The following RAI14 variants were observed in gnomAD, a reference collection of about 807,000 sequenced individuals.
RAI14 encodes retinoic acid induced 14.
Under a neutral mutation model 115.4 loss-of-function variants are expected in RAI14, and 45 were observed. The ratio of observed to expected loss-of-function variants is 0.39; its 90% CI spans 0.31 to 0.50. The LOEUF is 0.50. Ranked by LOEUF, RAI14 falls within the 20% of genes least tolerant of loss-of-function variation. The pLI, the probability that RAI14 is intolerant of heterozygous loss-of-function variation, is 0.85. For missense variants in RAI14, 939 were observed against 1,131.2 expected, an observed-to-expected ratio of 0.83 and a Z score of 2.44; for synonymous variants, 371 against 415.4, an observed-to-expected ratio of 0.89 and a Z score of 1.30.
Position 34,830,901 on chromosome 5 carries a change from TTCTGAGGACTTC to T in RAI14, c.*139_*150del. 1 of 1,445,250 alleles carries T rather than the reference TTCTGAGGACTTC, an allele frequency of 6.9e-7. No individual in the cohort carries two copies. Among genetic ancestry groups the T allele is most frequent in the Non-Finnish European group, 9.2e-7 (1 of 1,091,764 alleles). The allele number at this position is 1,445,250 out of a possible 1,614,324, so 89.5% of individuals were successfully genotyped here. A position where few individuals can be genotyped will look rare whatever the true frequency, so the allele number is the denominator to read the frequency against. On this transcript the variant is annotated 3_prime_UTR_variant, in exon 18 of 18. Transcript: ENST00000265109. ...CGTAGCTTCTTCCCTTTCCAAAGGT[TTCTGAGGACTTC>T]TCCCAGGAGAAGACTGCCCGCCTCA... is the stretch of plus-strand genomic sequence containing the variant.
At chr5:34,790,765 T>TAC (rs1384583737) in intron 3 of RAI14, among the ~76,000 whole-genome samples, 11 of 135,702 alleles carry the variant, frequency 8.1e-5, no homozygotes, top group African/African-American at 2.9e-4. Context: ...TGTGTATATA[T>TAC]ACATATATAT....
chr5:34,748,281 A>G (rs1202752490), intron 2 of RAI14, among the ~76,000 whole-genome samples: 4 of 152,190 alleles, frequency 2.6e-5, no homozygotes, highest in Non-Finnish European at 5.9e-5. Context: ...GTAAAGGGAA[A>G]AGACATTTTA....
chr5:34,792,478 C>T (rs939113700), intron 3 of RAI14, among the ~76,000 whole-genome samples: 1 of 152,100 alleles, frequency 6.6e-6, no homozygotes, highest in African/African-American at 2.4e-5. Flanking sequence ...TCGTGATCCG[C>T]CCACCTCGGC....
chr5:34,779,161 A>C (rs1040345427), intron 3 of RAI14, among the ~76,000 whole-genome samples: 1 of 152,220 alleles, frequency 6.6e-6, no homozygotes, highest in African/African-American at 2.4e-5. Context: ...AGGCCTTTGA[A>C]AAAATCAACA....
intron 2 of RAI14, among the ~76,000 whole-genome samples, chr5:34,694,341 T>C (rs1738973240): frequency 6.6e-6 from 1 of 152,220 alleles, no homozygotes; most frequent in Non-Finnish European, 1.5e-5. Context: ...ATATTTTCAG[T>C]TGAGTTTCTA....
chr5:34,822,777 G>A (rs1389388564), intron 14 of RAI14, among the ~76,000 whole-genome samples, 179 bp from the exon 15 acceptor site: 6 of 139,360 alleles, frequency 4.3e-5, no homozygotes, highest in African/African-American at 1.6e-4. Flanking sequence ...TCCGCCTCCC[G>A]GGTTCACGCC....
chr5:34,824,387 G>T lies in RAI14; in HGVS notation c.2545G>T (p.Val849Leu), dbSNP rs771898528. Residue 849 changes from valine to leucine, a missense_variant, in exon 15 of 18, where the codon GTA (valine) becomes TTA (leucine). Transcript: ENST00000265109. ...TCTCTTGAAATCCAAAGAGCAAGAAGTAAATGAACTTCTGCAAAAATTCCA... is the reference window on the plus strand; with the variant it reads ...TCTCTTGAAATCCAAAGAGCAAGAATTAAATGAACTTCTGCAAAAATTCCA... ...QTLLKSKEQE[V>L]NELLQKFQQA... The T allele has an allele frequency of 6.2e-7, 1 of 1,611,004 alleles. No individual in the cohort carries two copies. Among genetic ancestry groups the T allele is most frequent in the East Asian group, 2.2e-5 (1 of 44,768 alleles).
At position 34,811,749 on chromosome 5, in the gene RAI14, G is replaced by T; in HGVS notation, c.558-18G>T. 6.3e-7 allele frequency: 1 copy of T among 1,591,540 alleles called. No individual in the cohort carries two copies. The highest frequency in any genetic ancestry group is 1.1e-5 in the South Asian group (1 of 87,284). ...TACATTCTCTTAGTACTAATTTTGT[G>T]TCTCTTTTTTCCTTTAGAACTGCTC... On this transcript the variant is annotated intron_variant, in intron 8 of 17. Transcript: ENST00000265109.
intron 1 of RAI14, among the ~76,000 whole-genome samples, chr5:34,673,149 T>A (rs896761509): frequency 2.6e-5 from 4 of 152,354 alleles, no homozygotes; most frequent in Middle Eastern, 3.4e-3. Context: ...ATTGTTTTCA[T>A]TGTTGGCCTG....
At chr5:34,759,604 G>A (rs1748358379) in intron 3 of RAI14, among the ~76,000 whole-genome samples, 1 of 152,116 alleles carries the variant, frequency 6.6e-6, no homozygotes, top group African/African-American at 2.4e-5. Flanking sequence ...ATCACCCCCA[G>A]TTGGGACTGT....
chr5:34,739,983 A>G (rs1745304301), intron 2 of RAI14, among the ~76,000 whole-genome samples: 1 of 152,074 alleles, frequency 6.6e-6, no homozygotes, highest in African/African-American at 2.4e-5. Context: ...AATCCAAGAG[A>G]CAGAGGTTGC....
intron 2 of RAI14, among the ~76,000 whole-genome samples, chr5:34,756,259 G>T (rs986607095): frequency 6.6e-6 from 1 of 152,160 alleles, no homozygotes; most frequent in African/African-American, 2.4e-5. Context: ...GTGGAAGACT[G>T]TCATCCTGTA....
At chr5:34,734,852 C>T (rs937995558) in intron 2 of RAI14, among the ~76,000 whole-genome samples, 1 of 151,814 alleles carries the variant, frequency 6.6e-6, no homozygotes, top group Admixed American at 6.6e-5. Flanking sequence ...GAAGAGACAG[C>T]GTTTCACCAT....
Position 34,665,696 on chromosome 5 carries a change from C to T in RAI14, c.-49+9221C>T, listed in dbSNP as rs1743150886. On this transcript the variant is annotated intron_variant, in intron 1 of 17. Transcript: ENST00000265109. ...TATCAGTCTCATGAGTTTCATGGAACTCCTTGCCCTAAGGCCATTTATAAA... is the reference window on the plus strand; with the variant it reads ...TATCAGTCTCATGAGTTTCATGGAATTCCTTGCCCTAAGGCCATTTATAAA... 2.0e-5 allele frequency among the ~76,000 whole-genome samples: 3 copies of T among 152,172 alleles called. No individual in the cohort carries two copies. In the South Asian group the frequency reaches 6.2e-4, roughly 32 times the overall value.
chr5:34,793,270 T>G (rs1336988880), intron 3 of RAI14, among the ~76,000 whole-genome samples: 1 of 152,206 alleles, frequency 6.6e-6, no homozygotes, highest in Non-Finnish European at 1.5e-5. Context: ...AAATCATTTG[T>G]AGAATATCAT....
At chr5:34,778,820 A>G (rs551664917) in intron 3 of RAI14, among the ~76,000 whole-genome samples, 1 of 152,034 alleles carries the variant, frequency 6.6e-6, no homozygotes, top group East Asian at 1.9e-4. Flanking sequence ...TTTGAATGAC[A>G]TTTCGTGTCT....
intron 12 of RAI14, among the ~76,000 whole-genome samples, chr5:34,817,747 TG>T (rs1756422687): frequency 6.6e-6 from 1 of 152,182 alleles, no homozygotes; most frequent in Non-Finnish European, 1.5e-5. Flanking sequence ...AAAATTCATA[TG>T]GGATGACATT....
rs369411268 is a variant in RAI14 at position 34,796,010 on chromosome 5, C to G, written c.239C>G (p.Thr80Arg). 8.1e-6 allele frequency: 13 copies of G among 1,611,962 alleles called. No individual in the cohort carries two copies. The African/African-American group carries it at 1.1e-4, about 13-fold the overall frequency. The change falls in exon 4 of 18, where the codon ACA (threonine) becomes AGA (arginine). Residue 80 changes from threonine to arginine, a missense_variant. Transcript: ENST00000265109. ...ATGATTACACATGGTGTGGATGTGA[C>G]AGCCCAAGATACTACCGGTATGTGG... ...RVMITHGVDV[T>R]AQDTTGHSAL...
intron 2 of RAI14, among the ~76,000 whole-genome samples, chr5:34,700,637 A>G (rs1292438418): frequency 6.6e-6 from 1 of 152,224 alleles, no homozygotes; most frequent in Non-Finnish European, 1.5e-5. Flanking sequence ...ACAGAAATAA[A>G]AGGTCAGTAG....
Sources: gnomAD v4.1 joint callset for allele counts (sites outside exome capture counted in the v4.1 genomes callset) on GRCh38, gnomAD v4.1.1 for gene constraint, MANE v1.5 for transcripts, NCBI Gene and HGNC (gene_info 2026-07-23, HGNC 2026-07-21) for gene names.